The following DNAH12 variants were observed in gnomAD, a reference collection of about 807,000 sequenced individuals.
DNAH12 encodes dynein axonemal heavy chain 12, also known as axonemal beta dynein heavy chain 12.
In DNAH12, 285 loss-of-function variants were observed where a neutral mutation model predicts 371.5. The ratio of observed to expected loss-of-function variants is 0.77; its 90% CI spans 0.70 to 0.85. The LOEUF is 0.85. Among genes scored for constraint, DNAH12 ranks in the 40% least tolerant of loss-of-function variants. The pLI is 0.00. For synonymous variants in DNAH12, 1,200 were observed against 1,213.0 expected, an observed-to-expected ratio of 0.99 and a Z score of 0.22; for missense variants, 3,611 against 3,689.4, an observed-to-expected ratio of 0.98 and a Z score of 0.55.
chr3:57,452,865 G>A lies in DNAH12; in HGVS notation c.3764C>T (p.Thr1255Ile). Residue 1255 changes from threonine (T) to isoleucine (I), a missense_variant, in exon 25 of 74, where the codon ACT becomes ATT. Physicochemically the swap from Thr to Ile is moderately conservative, Grantham distance 89 (BLOSUM62 -1). Transcript: ENST00000495027. ...TACCAATGTTCTGTAACACCTGTCA[G>A]TTAGAGGCGTAATGACAAGTCGAGG... is the stretch of plus-strand genomic sequence containing the variant. Reference protein sequence around the residue: ...NSPRLVITPLTDRCYRTLIGA... With the variant: ...NSPRLVITPLIDRCYRTLIGA... The A allele has an allele frequency of 1.3e-6, 2 of 1,549,210 alleles. No individual in the cohort carries two copies. The highest frequency in any genetic ancestry group is 1.7e-6 in the Non-Finnish European group (2 of 1,146,422).
At chr3:57,338,402 A>C (rs6795059) in intron 60 of DNAH12, among the ~76,000 whole-genome samples, 48,762 of 141,476 alleles carry the variant, frequency 0.34, 8,655 homozygotes, top group African/African-American at 0.49. Flanking sequence ...CGGCCGCCAC[A>C]CTGTCTAGGA....
In DNAH12 at chr3:57,526,413, TG is replaced by T. The variant is rs558893008; in HGVS notation, c.171-2530del. On this transcript the variant is annotated intron_variant, in intron 2 of 73. Transcript: ENST00000495027. ...TCATCTGGGTTTTTTGTTTTTGTTT[TG>T]TTTTATTTTTTTTAGGTAAGTTTAT... 9.5e-3 allele frequency among the ~76,000 whole-genome samples: 1,445 copies of T among 152,120 alleles called. 26 individuals carry two copies. Among genetic ancestry groups the T allele is most frequent in the African/African-American group, 0.033 (1,349 of 41,426 alleles).
At chr3:57,505,822 G>A (rs139795998) in intron 8 of DNAH12, among the ~76,000 whole-genome samples, 1,570 of 152,078 alleles carry the variant, frequency 0.01, 16 homozygotes, top group South Asian at 0.05. Context: ...CAGCAGGCTC[G>A]AGCTCCTGGG....
intron 69 of DNAH12, among the ~76,000 whole-genome samples, chr3:57,307,028 C>T (rs1471410648): frequency 6.6e-6 from 1 of 152,180 alleles, no homozygotes; most frequent in East Asian, 1.9e-4. Flanking sequence ...CAGCAAACTA[C>T]CTGGGCTGTA....
chr3:57,331,227 A>G (rs2062088294), intron 62 of DNAH12, among the ~76,000 whole-genome samples: 1 of 152,226 alleles, frequency 6.6e-6, no homozygotes, highest in African/African-American at 2.4e-5. Context: ...CACGGCAGAC[A>G]AAGCAAAAAC....
At position 57,336,075 on chromosome 3, in the gene DNAH12, G is replaced by A. The variant is rs529059753; in HGVS notation, c.9675-1135C>T. Among the ~76,000 whole-genome samples, 6 of 152,288 alleles carry A rather than the reference G, an allele frequency of 3.9e-5. No individual in the cohort carries two copies. In the East Asian group the frequency reaches 9.7e-4, roughly 24 times the overall value. ...TAGTTCACTGCAGCCTCAAACTTCT[G>A]AGCTTAAGTAATCCTCCTGACTTAG... On this transcript the variant is annotated intron_variant, in intron 60 of 73. Coordinates refer to ENST00000495027, the MANE Select transcript of DNAH12 (RefSeq NM_001366028.2).
intron 64 of DNAH12, 49 bp from the exon 65 acceptor site, chr3:57,322,532 T>A: frequency 6.6e-7 from 1 of 1,518,632 alleles, no homozygotes; most frequent in Non-Finnish European, 8.8e-7. Flanking sequence ...AAGTGGAGGC[T>A]CTAAAAGTGC....
At chr3:57,304,056 A>C (rs1575423057) in intron 69 of DNAH12, among the ~76,000 whole-genome samples, 2 of 104,716 alleles carry the variant, frequency 1.9e-5, no homozygotes, top group African/African-American at 3.7e-5. Context: ...GCACCTTGTG[A>C]CCCCCCACTC....
chr3:57,335,612 G>T (rs1172953987), intron 60 of DNAH12, among the ~76,000 whole-genome samples: 1 of 152,198 alleles, frequency 6.6e-6, no homozygotes, highest in South Asian at 2.1e-4. Context: ...GTAAGCAGCT[G>T]TAACATAATG....
At chr3:57,513,389 G>A (rs954619059) in intron 4 of DNAH12, among the ~76,000 whole-genome samples, 2 of 152,096 alleles carry the variant, frequency 1.3e-5, no homozygotes, top group African/African-American at 4.8e-5. Context: ...CAAGGAGAGG[G>A]ATCCTAGAGA....
Position 57,446,274 on chromosome 3 carries a change from A to T in DNAH12, c.3940-4T>A. 6.5e-7 allele frequency: 1 copy of T among 1,546,054 alleles called. No individual in the cohort carries two copies. The highest frequency in any genetic ancestry group is 8.7e-7 in the Non-Finnish European group (1 of 1,144,100). On this transcript the variant is annotated splice_region_variant and splice_polypyrimidine_tract_variant and intron_variant, in intron 26 of 73. Coordinates refer to ENST00000495027, the MANE Select transcript of DNAH12 (RefSeq NM_001366028.2). ...AAGAAGCCAGTCCTTTAAAAAACTAAGGACAAAGAAAAAGGAAAGTGATTT... is the reference window on the plus strand; with the variant it reads ...AAGAAGCCAGTCCTTTAAAAAACTATGGACAAAGAAAAAGGAAAGTGATTT...
intron 41 of DNAH12, 51 bp from the exon 42 acceptor site, chr3:57,405,198 A>G: frequency 6.9e-7 from 1 of 1,446,994 alleles, no homozygotes; most frequent in Non-Finnish European, 9.1e-7. Context: ...TTAAAAATAA[A>G]TTTAAGAAAA....
At chr3:57,530,662 T>C (rs947581790) in intron 2 of DNAH12, 35 of 469,886 alleles carry the variant, frequency 7.4e-5, no homozygotes, top group African/African-American at 6.0e-4. Context: ...GTGCTGTCAC[T>C]GAGCACGATG....
intron 2 of DNAH12, among the ~76,000 whole-genome samples, chr3:57,534,714 G>T (rs1401459885): frequency 6.6e-6 from 1 of 151,976 alleles, no homozygotes; most frequent in African/African-American, 2.4e-5. Context: ...TCACCATATT[G>T]GATAGTCTGG....
At chr3:57,369,457 A>T (rs1299696835) in intron 55 of DNAH12, among the ~76,000 whole-genome samples, 1 of 151,158 alleles carries the variant, frequency 6.6e-6, no homozygotes, top group African/African-American at 2.4e-5. Flanking sequence ...CTAGGGCTAA[A>T]ATCCCCTTTC....
chr3:57,340,090 T>C (rs921368599), intron 60 of DNAH12, among the ~76,000 whole-genome samples: 2 of 151,526 alleles, frequency 1.3e-5, no homozygotes, highest in Non-Finnish European at 2.9e-5. Context: ...AAAAATTCCT[T>C]GAAGCAAATG....
At position 57,510,789 on chromosome 3, in the gene DNAH12, C is replaced by T. The variant is rs2067964888; in HGVS notation, c.469+1G>A. On this transcript the variant is annotated splice_donor_variant, in intron 5 of 73. Transcript: ENST00000495027. LOFTEE classifies it high-confidence loss of function. ...CCTGGTGTGTGTTAGATGCTACTTA[C>T]CCAAATATCTCTTCATGCTGTTTTC... 1 of 1,613,326 alleles carries T rather than the reference C, an allele frequency of 6.2e-7. No homozygotes were observed. The highest frequency in any genetic ancestry group is 8.5e-7 in the Non-Finnish European group (1 of 1,179,808).
At chr3:57,488,560 A>ACTTAAC (rs2067013852) in intron 12 of DNAH12, among the ~76,000 whole-genome samples, 3 of 152,184 alleles carry the variant, frequency 2.0e-5, no homozygotes, top group Admixed American at 1.3e-4. Context: ...TAGGTTGCCC[A>ACTTAAC]GAGTTATGGA....
chr3:57,352,226 C>T lies in DNAH12; in HGVS notation c.9534-1G>A, dbSNP rs1553660685. Reference sequence around the variant, plus strand: ...CTTTTCCAAAATCTTGGATTTGTTACTAAAGTTAAAAAGAAGGAAAACGTA... The same window carrying T: ...CTTTTCCAAAATCTTGGATTTGTTATTAAAGTTAAAAAGAAGGAAAACGTA... On this transcript the variant is annotated splice_acceptor_variant, in intron 59 of 73. Coordinates refer to ENST00000495027, the MANE Select transcript of DNAH12 (RefSeq NM_001366028.2). LOFTEE classifies it high-confidence loss of function. 3.9e-6 allele frequency: 6 copies of T among 1,528,716 alleles called. No individual in the cohort carries two copies. The highest frequency in any genetic ancestry group is 5.3e-6 in the Non-Finnish European group (6 of 1,141,602). The allele number at this position is 1,528,716 out of a possible 1,614,324, so 94.7% of individuals were successfully genotyped here. A position where few individuals can be genotyped will look rare whatever the true frequency, so the allele number is the denominator to read the frequency against.
Sources: gnomAD v4.1 joint callset for allele counts (sites outside exome capture counted in the v4.1 genomes callset) on GRCh38, gnomAD v4.1.1 for gene constraint, MANE v1.5 for transcripts, NCBI Gene and HGNC (gene_info 2026-07-23, HGNC 2026-07-21) for gene names.